The following RAB3GAP1 variants were observed in gnomAD, a reference collection of about 807,000 sequenced individuals.
RAB3GAP1 encodes rab3 GTPase-activating protein catalytic subunit.
In RAB3GAP1, 86 loss-of-function variants were observed where a neutral mutation model predicts 130.7. The ratio of observed to expected loss-of-function variants is 0.66; its 90% CI spans 0.55 to 0.79. The LOEUF (loss-of-function observed/expected upper bound fraction) is 0.79, where lower values mean the gene tolerates loss of function less well. Ranked by LOEUF, RAB3GAP1 falls within the 30% of genes least tolerant of loss-of-function variation. The pLI is 0.00. For synonymous variants in RAB3GAP1, 367 were observed against 401.7 expected (o/e 0.91, Z 1.03); for missense variants, 1,029 against 1,169.4 (o/e 0.88, Z 1.75).
chr2:135,140,953 C>T (rs1341661910), intron 17 of RAB3GAP1, among the ~76,000 whole-genome samples: 1 of 152,134 alleles, frequency 6.6e-6, no homozygotes, highest in Admixed American at 6.5e-5. Flanking sequence ...CTCTTTTCTG[C>T]ACACTTGATA....
rs1689597312 is a variant in RAB3GAP1, at chr2:135,075,194, C to T, written c.151-15804C>T. 1.3e-5 allele frequency among the ~76,000 whole-genome samples: 2 copies of T among 152,106 alleles called. 1 individual carries two copies. Among genetic ancestry groups the T allele is most frequent in the South Asian group, 4.1e-4 (2 of 4,822 alleles). On this transcript the variant is annotated intron_variant, in intron 3 of 23. Coordinates refer to ENST00000264158, the MANE Select transcript of RAB3GAP1 (RefSeq NM_012233.3). ...AGAAGGCTGTCCTGTGGAGCCAGTCCCCACTGTTTCCCTTGTTCTTTCTTT... is the reference window on the plus strand; with the variant it reads ...AGAAGGCTGTCCTGTGGAGCCAGTCTCCACTGTTTCCCTTGTTCTTTCTTT...
chr2:135,163,873 G>A (rs1178574314), intron 22 of RAB3GAP1, among the ~76,000 whole-genome samples: 1 of 152,166 alleles, frequency 6.6e-6, no homozygotes, highest in Non-Finnish European at 1.5e-5. Context: ...TAACAAGTTT[G>A]TGTTTGAATT....
chr2:135,130,961 CTCTG>C (rs1433535237), intron 13 of RAB3GAP1, among the ~76,000 whole-genome samples: 2 of 152,178 alleles, frequency 1.3e-5, no homozygotes, highest in African/African-American at 2.4e-5. Context: ...GTGCATTTGT[CTCTG>C]TCTGGGCAGT....
At position 135,117,603 on chromosome 2, in the gene RAB3GAP1, T is replaced by TCTGCTG. The variant is rs1305806002; in HGVS notation, c.648+2227_648+2228insGCTGCT. On this transcript the variant is annotated intron_variant, in intron 7 of 23. Coordinates refer to ENST00000264158, the MANE Select transcript of RAB3GAP1 (RefSeq NM_012233.3). ...TTCTGCTTCTTCTTCTGCTGCTTCTTCTGCTTCTTCTGCTTCTGCTTCTTC... is the reference window on the plus strand; with the variant it reads ...TTCTGCTTCTTCTTCTGCTGCTTCTTCTGCTGCTGCTTCTTCTGCTTCTGCTTCTTC... Among the ~76,000 whole-genome samples, 4 of 139,308 alleles carry TCTGCTG rather than the reference T, an allele frequency of 2.9e-5. No homozygotes were observed. The South Asian group carries it at 6.9e-4, about 24-fold the overall frequency. The allele number at this position is 139,308 out of a possible 152,430, so 91.4% of individuals were successfully genotyped here.
chr2:135,072,017 G>C (rs992177805), intron 3 of RAB3GAP1, among the ~76,000 whole-genome samples: 5 of 152,178 alleles, frequency 3.3e-5, no homozygotes, highest in African/African-American at 1.2e-4. Context: ...GGTTCAAGCA[G>C]TTCTCGTGCC....
At chr2:135,127,668 C>CT in intron 11 of RAB3GAP1, among the ~76,000 whole-genome samples, 7 of 152,204 alleles carry the variant, frequency 4.6e-5, no homozygotes, top group Admixed American at 4.6e-4. Context: ...TGACGGTGCG[C>CT]TTTAGAGCCC....
rs529371460 is a variant in RAB3GAP1 at position 135,093,493 on chromosome 2, T to C, written c.284-122T>C. The C allele has an allele frequency of 6.8e-6, 5 of 735,368 alleles. No individual in the cohort carries two copies. The African/African-American group carries it at 8.6e-5, about 13-fold the overall frequency. 45.6% of individuals were successfully genotyped at this position (735,368 alleles called of 1,614,324 possible). ...TGTACTCAAGAGCTATCTTTAGATA[T>C]GAATCTTAAAGCAATATCAAAACTG... On this transcript the variant is annotated intron_variant, in intron 4 of 23. Transcript: ENST00000264158.
intron 3 of RAB3GAP1, among the ~76,000 whole-genome samples, chr2:135,065,162 C>T (rs370278409): frequency 6.6e-6 from 1 of 152,184 alleles, no homozygotes; most frequent in Non-Finnish European, 1.5e-5. Flanking sequence ...AATGTTAGAA[C>T]TGTCCTGTCA....
rs1271888114 is a variant in RAB3GAP1 at position 135,086,165 on chromosome 2, G to A, written c.151-4833G>A. 1.3e-5 allele frequency among the ~76,000 whole-genome samples: 2 copies of A among 152,072 alleles called. 1 individual carries two copies. Among genetic ancestry groups the A allele is most frequent in the Non-Finnish European group, 2.9e-5 (2 of 68,006 alleles). ...GGCATTTAAATTGTCTCCATTTCTG[G>A]ATTATTATTATCAAAGCTTCTCTAG... On this transcript the variant is annotated intron_variant, in intron 3 of 23. Transcript: ENST00000264158.
At chr2:135,052,876 C>G (rs1183093540) in intron 2 of RAB3GAP1, among the ~76,000 whole-genome samples, 1 of 152,136 alleles carries the variant, frequency 6.6e-6, no homozygotes, top group African/African-American at 2.4e-5. Context: ...TAGGTTGTGC[C>G]GCACCTCATC....
downstream of RAB3GAP1, among the ~76,000 whole-genome samples, chr2:135,174,355 G>T (rs1167640176): frequency 6.6e-6 from 1 of 152,166 alleles, no homozygotes; most frequent in East Asian, 1.9e-4. Context: ...CTCTGGAATG[G>T]CCCCTCCTCT....
At chr2:135,103,034 G>GGTTTTTTTTTTTTTTTT (rs1355666279) in intron 5 of RAB3GAP1, among the ~76,000 whole-genome samples, 1 of 100,462 alleles carries the variant, frequency 1.0e-5, no homozygotes, top group African/African-American at 6.8e-5. Flanking sequence ...TCATTTTTGT[G>GGTTTTTTTTTTTTTTTT]ATTTTTTTTT....
At position 135,091,064 on chromosome 2, in the gene RAB3GAP1, T is replaced by G. The variant is rs372673436; in HGVS notation, c.217T>G (p.Ser73Ala). 88 of 1,606,870 alleles carry G rather than the reference T, an allele frequency of 5.5e-5. 1 individual carries two copies. In the African/African-American group the frequency reaches 1.1e-3, roughly 20 times the overall value. Residue 73 changes from serine (S) to alanine (A), a missense_variant, in exon 4 of 24, where the codon TCA (serine) becomes GCA (alanine). By Grantham distance (99) the Ser-to-Ala change is moderately conservative (BLOSUM62 1). Transcript: ENST00000264158. ...AATTTCCTTTGCTGACTTCAAGTTC[T>G]CAGTCACTCATCATTATCTTGTACA... ...DEISFADFKFSVTHHYLVQES... is the reference protein window; with the variant it reads ...DEISFADFKFAVTHHYLVQES...
intron 9 of RAB3GAP1, among the ~76,000 whole-genome samples, 163 bp downstream of exon 9, chr2:135,124,409 TA>T (rs1241654416): frequency 4.6e-5 from 7 of 152,348 alleles, no homozygotes; most frequent in Non-Finnish European, 8.8e-5. Context: ...CTCATGCCTG[TA>T]ATCCTAGCGC....
chr2:135,139,157 T>C (rs1336176577), intron 17 of RAB3GAP1, among the ~76,000 whole-genome samples: 1 of 152,184 alleles, frequency 6.6e-6, no homozygotes, highest in Admixed American at 6.5e-5. Context: ...TCTACAGTTA[T>C]ATATATTGTA....
In RAB3GAP1 at chr2:135,126,917, G is replaced by C. The variant is rs58327215; in HGVS notation, c.973+261G>C. Among the ~76,000 whole-genome samples, 47,584 of 151,830 alleles carry C rather than the reference G, an allele frequency of 0.31. 11,366 individuals carry two copies. The highest frequency in any genetic ancestry group is 0.65 in the African/African-American group (27,086 of 41,392). ...TTTTATTTTTTGAGACGGAGTCTCT[G>C]TCAGGCTGGAGTGCAGTGGCATGTC... On this transcript the variant is annotated intron_variant, in intron 11 of 23. Coordinates refer to ENST00000264158, the MANE Select transcript of RAB3GAP1 (RefSeq NM_012233.3).
At chr2:135,156,492 G>A (rs2104987542) in intron 19 of RAB3GAP1, among the ~76,000 whole-genome samples, 1 of 152,228 alleles carries the variant, frequency 6.6e-6, no homozygotes, top group Non-Finnish European at 1.5e-5. Context: ...CAAATATGAG[G>A]ATGATTATTT....
chr2:135,143,580 C>T (rs1198091360), intron 17 of RAB3GAP1, among the ~76,000 whole-genome samples: 26 of 131,708 alleles, frequency 2.0e-4, no homozygotes, highest in East Asian at 1.1e-3. Context: ...TTTTTTGAGA[C>T]GGAGTCTTGC....
At chr2:135,091,634 C>T (rs908803942) in intron 4 of RAB3GAP1, among the ~76,000 whole-genome samples, 4 of 152,106 alleles carry the variant, frequency 2.6e-5, no homozygotes, top group Admixed American at 1.3e-4. Flanking sequence ...ATTTTTTCTA[C>T]TTGCTAGTTA....
Sources: gnomAD v4.1 joint callset for allele counts (sites outside exome capture counted in the v4.1 genomes callset) on GRCh38, gnomAD v4.1.1 for gene constraint, MANE v1.5 for transcripts, NCBI Gene and HGNC (gene_info 2026-07-23, HGNC 2026-07-21) for gene names.